SLCO3A1: variants seen among roughly 807,000 people sequenced by gnomAD.
SLCO3A1 encodes solute carrier organic anion transporter family member 3A1, also known as PGE1 transporter.
SLCO3A1 carries 27 observed loss-of-function variants against 63.1 expected under a neutral mutation model. The observed-to-expected ratio is 0.43, with a 90% CI of 0.32 to 0.59. The LOEUF (loss-of-function observed/expected upper bound fraction) is 0.59, where lower values mean the gene tolerates loss of function less well. SLCO3A1 is among the 20% of genes least tolerant of loss of function. SLCO3A1 has a pLI of 0.09. For missense variants in SLCO3A1, 773 were observed against 945.8 expected (o/e 0.82, Z 2.40); for synonymous variants, 473 against 409.9 (o/e 1.15, Z -1.86).
At chr15:91,977,400 T>G (rs1282731318) in intron 2 of SLCO3A1, among the ~76,000 whole-genome samples, 1 of 151,784 alleles carries the variant, frequency 6.6e-6, no homozygotes, top group Admixed American at 6.6e-5. Flanking sequence ...CACTTAGAGG[T>G]GATATCTCCT....
intron 2 of SLCO3A1, among the ~76,000 whole-genome samples, chr15:92,019,157 C>T (rs1213204797): frequency 6.6e-6 from 1 of 152,156 alleles, no homozygotes; most frequent in Non-Finnish European, 1.5e-5. Flanking sequence ...TGCTCATTGC[C>T]TCTCACTTGT....
At chr15:92,162,646 G>A in intron 9 of SLCO3A1, 110 bp from the exon 10 acceptor site, 1 of 1,493,876 alleles carries the variant, frequency 6.7e-7, no homozygotes, top group Non-Finnish European at 8.9e-7. Context: ...TTGAGCCACG[G>A]AGTCAGACAT....
At chr15:91,861,967 G>T in intron 1 of SLCO3A1, among the ~76,000 whole-genome samples, 1 of 149,970 alleles carries the variant, frequency 6.7e-6, no homozygotes, top group South Asian at 2.1e-4. Context: ...GTGGGGTGGG[G>T]CGGGTGGGGC....
intron 7 of SLCO3A1, among the ~76,000 whole-genome samples, chr15:92,142,186 G>A (rs371860585): frequency 3.9e-5 from 6 of 152,252 alleles, no homozygotes; most frequent in Non-Finnish European, 7.3e-5. Flanking sequence ...GTCTTGTGCC[G>A]GTCTCTGGCT....
At chr15:92,129,664 C>T (rs765595468) in intron 7 of SLCO3A1, among the ~76,000 whole-genome samples, 1 of 152,180 alleles carries the variant, frequency 6.6e-6, no homozygotes, top group African/African-American at 2.4e-5. Flanking sequence ...AAAATATGAA[C>T]CCCCAGTGGC....
chr15:91,981,943 G>T (rs950934209), intron 2 of SLCO3A1, among the ~76,000 whole-genome samples: 9 of 152,370 alleles, frequency 5.9e-5, no homozygotes, highest in Admixed American at 3.9e-4. Context: ...AGCACGCTTT[G>T]ATGCTGCATG....
chr15:92,126,630 C>A (rs1011001979), intron 6 of SLCO3A1, among the ~76,000 whole-genome samples: 2 of 152,172 alleles, frequency 1.3e-5, no homozygotes, highest in Non-Finnish European at 2.9e-5. Flanking sequence ...CTTAAACTAT[C>A]AGAAGCTGTC....
At position 91,854,308 on chromosome 15, in the gene SLCO3A1, G is replaced by C. The variant is rs937120334; in HGVS notation, c.180+220G>C. On this transcript the variant is annotated intron_variant, in intron 1 of 9. Transcript: ENST00000318445. The surrounding 1 kb of genome is among the most constrained non-coding windows in gnomAD (Gnocchi z 6.4). ...GGCGGGACCGTTGATGCCGGTAGCA[G>C]CTCGCGCGCGTCCGGCTGGGGCAGG... The C allele has an allele frequency of 3.2e-5, 37 of 1,150,658 alleles. No homozygotes were observed. In the South Asian group the frequency reaches 1.4e-3, roughly 43 times the overall value. The allele number at this position is 1,150,658 out of a possible 1,614,324, so 71.3% of individuals were successfully genotyped here.
chr15:91,896,773 A>G (rs1481856509), intron 1 of SLCO3A1, among the ~76,000 whole-genome samples: 1 of 152,228 alleles, frequency 6.6e-6, no homozygotes, highest in Non-Finnish European at 1.5e-5. Flanking sequence ...AGAACAGACT[A>G]ATACAGAGGT....
At chr15:92,005,243 C>T (rs759795255) in intron 2 of SLCO3A1, among the ~76,000 whole-genome samples, 1 of 152,242 alleles carries the variant, frequency 6.6e-6, no homozygotes, top group Non-Finnish European at 1.5e-5. Flanking sequence ...CAAGGTAGCT[C>T]TGCCCACCTG....
At chr15:92,053,190 A>G (rs2046978846) in intron 2 of SLCO3A1, among the ~76,000 whole-genome samples, 1 of 152,038 alleles carries the variant, frequency 6.6e-6, no homozygotes, top group Non-Finnish European at 1.5e-5. Flanking sequence ...CAGTCTTCTC[A>G]CTCCTGGGGT....
At chr15:91,927,601 G>C (rs1370646520) in intron 2 of SLCO3A1, among the ~76,000 whole-genome samples, 1 of 152,150 alleles carries the variant, frequency 6.6e-6, no homozygotes, top group Non-Finnish European at 1.5e-5. Context: ...GATTGGCGTT[G>C]CACTCATTCT....
intron 2 of SLCO3A1, among the ~76,000 whole-genome samples, chr15:91,917,187 C>T (rs1047738413): frequency 2.6e-5 from 4 of 152,054 alleles, no homozygotes; most frequent in East Asian, 1.9e-4. Flanking sequence ...TGGCCAGCCC[C>T]GCATCTCTAT....
rs897309172 is a variant in SLCO3A1, at chr15:92,131,612, C to T, written c.1512+3123C>T. On this transcript the variant is annotated intron_variant, in intron 7 of 9. Transcript: ENST00000318445. ...TGAACTCCTGACCTCAAGTGATCCACCCGTCTCGGCCTCCCAAAGTGCTGG... is the reference window on the plus strand; with the variant it reads ...TGAACTCCTGACCTCAAGTGATCCATCCGTCTCGGCCTCCCAAAGTGCTGG... 3.4e-5 allele frequency among the ~76,000 whole-genome samples: 5 copies of T among 145,480 alleles called. 1 individual carries two copies. Among genetic ancestry groups the T allele is most frequent in the African/African-American group, 1.2e-4 (5 of 40,134 alleles).
rs927118052 is a variant in SLCO3A1 at position 91,859,688 on chromosome 15, C to G, written c.180+5600C>G. 6.6e-6 allele frequency among the ~76,000 whole-genome samples: 1 copy of G among 152,114 alleles called. No homozygotes were observed. The highest frequency in any genetic ancestry group is 1.5e-5 in the Non-Finnish European group (1 of 68,024). On this transcript the variant is annotated intron_variant, in intron 1 of 9. Transcript: ENST00000318445. The surrounding 1 kb of genome is among the most constrained non-coding windows in gnomAD (Gnocchi z 5.1). ...TTTATAACTGGGGTTATAATAGTAC[C>G]TACCCTCTGTTTTGCTGTGAGGATG...
intron 2 of SLCO3A1, among the ~76,000 whole-genome samples, chr15:91,994,955 C>T (rs910495957): frequency 5.3e-5 from 8 of 152,202 alleles, no homozygotes; most frequent in East Asian, 1.9e-4. Flanking sequence ...GAAGGAGACT[C>T]CTGTCTGGGA....
In SLCO3A1 at chr15:92,033,385, C is replaced by T. The variant is rs2046680065; in HGVS notation, c.647-61496C>T. The stretch of plus-strand genomic sequence containing the variant: ...CAGGGTAACTTCCTCCTCTTGCATT[C>T]TCCCTCCAACTCTCTTCCCCTTAGT... On this transcript the variant is annotated intron_variant, in intron 2 of 9. Coordinates refer to ENST00000318445, the MANE Select transcript of SLCO3A1 (RefSeq NM_013272.4). The surrounding 1 kb of genome is among the most constrained non-coding windows in gnomAD (Gnocchi z 4.5). 6.6e-6 allele frequency among the ~76,000 whole-genome samples: 1 copy of T among 152,220 alleles called. No homozygotes were observed. Among genetic ancestry groups the T allele is most frequent in the Non-Finnish European group, 1.5e-5 (1 of 68,036 alleles).
intron 7 of SLCO3A1, among the ~76,000 whole-genome samples, chr15:92,138,461 C>G (rs921191162): frequency 8.4e-6 from 1 of 119,008 alleles, no homozygotes; most frequent in East Asian, 2.6e-4. Flanking sequence ...GATGGGGGCT[C>G]TTTTTTGGTT....
chr15:91,940,301 A>G (rs183535722), intron 2 of SLCO3A1, among the ~76,000 whole-genome samples: 1 of 152,124 alleles, frequency 6.6e-6, no homozygotes, highest in East Asian at 1.9e-4. Context: ...AATCCAATAG[A>G]TGACAATGTT....
Sources: gnomAD v4.1 joint callset for allele counts (sites outside exome capture counted in the v4.1 genomes callset) on GRCh38, gnomAD v4.1.1 for gene constraint, Gnocchi (gnomAD v3.1) non-coding constraint, MANE v1.5 for transcripts, NCBI Gene and HGNC (gene_info 2026-07-23, HGNC 2026-07-21) for gene names.